The following PCDHA11 variants were observed in gnomAD, a reference collection of about 807,000 sequenced individuals.
PCDHA11 encodes protocadherin alpha 11, also known as protocadherin alpha-11.
In PCDHA11, 61 loss-of-function variants were observed where a neutral mutation model predicts 70.3. The observed-to-expected ratio is 0.87, with a 90% CI of 0.71 to 1.07. The LOEUF is 1.07. Ranked by LOEUF, PCDHA11 falls within the 50% of genes least tolerant of loss-of-function variation. The pLI is 0.00. For synonymous variants in PCDHA11, 633 were observed against 555.1 expected (o/e 1.14, Z -1.97); for missense variants, 1,324 against 1,237.5 (o/e 1.07, Z -1.05).
rs189785800 is a variant in PCDHA11 at position 141,012,340 on chromosome 5, G to A, written c.*2403G>A. ...TTATTGCTAATAAATGAAAATGGTG[G>A]TATGAAAGAAATGGTGGTCATTTCT... On this transcript the variant is annotated 3_prime_UTR_variant, in exon 4 of 4. Transcript: ENST00000398640. The A allele has an allele frequency of 3.6e-4, 55 of 153,812 alleles. No homozygotes were observed. The East Asian group carries it at 9.6e-3, about 27-fold the overall frequency. 9.5% of individuals were successfully genotyped at this position (153,812 alleles called of 1,614,324 possible).
At chr5:140,928,594 GAA>G in intron 1 of PCDHA11, 2 of 1,614,204 alleles carry the variant, frequency 1.2e-6, no homozygotes, top group Non-Finnish European at 1.7e-6. Flanking sequence ...TGTCCCAGTG[GAA>G]ATTGTGCCCC....
chr5:140,972,290 C>T (rs1331683497), intron 1 of PCDHA11, among the ~76,000 whole-genome samples: 1 of 151,820 alleles, frequency 6.6e-6, no homozygotes, highest in African/African-American at 2.4e-5. Flanking sequence ...TAGATGTGCG[C>T]CACCGTGTCT....
chr5:140,890,294 G>A (rs1554184246), intron 1 of PCDHA11, among the ~76,000 whole-genome samples: 1 of 152,132 alleles, frequency 6.6e-6, no homozygotes, highest in Non-Finnish European at 1.5e-5. Flanking sequence ...GTCAGAACCA[G>A]GAGAGGTAAT....
At chr5:141,007,395 CAAAAA>C (rs35800918) in intron 3 of PCDHA11, among the ~76,000 whole-genome samples, 1 of 94,866 alleles carries the variant, frequency 1.1e-5, no homozygotes, top group Non-Finnish European at 2.1e-5. Flanking sequence ...TACTAAAATA[CAAAAA>C]AAAAAAAAAA....
intron 1 of PCDHA11, among the ~76,000 whole-genome samples, chr5:140,893,346 C>A (rs1368723678): frequency 6.6e-6 from 1 of 152,104 alleles, no homozygotes; most frequent in Non-Finnish European, 1.5e-5. Context: ...AGTGGCAGTG[C>A]TAATTTACAT....
intron 1 of PCDHA11, among the ~76,000 whole-genome samples, chr5:140,881,674 T>C (rs782706305): frequency 5.3e-5 from 8 of 152,254 alleles, no homozygotes; most frequent in Non-Finnish European, 1.0e-4. Context: ...TCTTATGTGA[T>C]TGTTATGTTT....
chr5:141,007,133 G>A (rs1588151080), intron 3 of PCDHA11, among the ~76,000 whole-genome samples: 1 of 152,128 alleles, frequency 6.6e-6, no homozygotes, highest in South Asian at 2.1e-4. Flanking sequence ...CAGATGAGGA[G>A]ACTGACAAAG....
At chr5:140,902,729 C>T (rs1554190627) in intron 1 of PCDHA11, among the ~76,000 whole-genome samples, 1 of 152,068 alleles carries the variant, frequency 6.6e-6, no homozygotes, top group East Asian at 1.9e-4. Flanking sequence ...CCCTTCCCTC[C>T]AAGTCCCCCA....
chr5:140,910,944 C>A (rs1177154353), intron 1 of PCDHA11, among the ~76,000 whole-genome samples: 1 of 152,146 alleles, frequency 6.6e-6, no homozygotes, highest in Non-Finnish European at 1.5e-5. Flanking sequence ...TCAAGCAGTT[C>A]TTTTCGAGTG....
At chr5:140,957,373 T>G (rs906109440) in intron 1 of PCDHA11, among the ~76,000 whole-genome samples, 1 of 152,192 alleles carries the variant, frequency 6.6e-6, no homozygotes, top group Non-Finnish European at 1.5e-5. Flanking sequence ...ACTTTTATTA[T>G]AGTGTATTGT....
intron 1 of PCDHA11, chr5:140,875,864 C>A (rs781972677): frequency 3.7e-6 from 6 of 1,614,168 alleles, no homozygotes; most frequent in Admixed American, 3.3e-5. Context: ...GACAACCCGC[C>A]GGTGTTCAGA....
chr5:140,882,357 A>G lies in PCDHA11; in HGVS notation c.2391+10863A>G, dbSNP rs1010659037. On this transcript the variant is annotated intron_variant, in intron 1 of 3. Transcript: ENST00000398640. Reference sequence around the variant, plus strand: ...GCAGCCTGGGAGACGGGTAGTGGCCAGCTCCACTACTCCGTCCCCGAGGAA... The same window carrying G: ...GCAGCCTGGGAGACGGGTAGTGGCCGGCTCCACTACTCCGTCCCCGAGGAA... 22 of 1,614,084 alleles carry G rather than the reference A, an allele frequency of 1.4e-5. No individual in the cohort carries two copies. In the Admixed American group the frequency reaches 2.5e-4, roughly 18 times the overall value.
chr5:140,936,710 A>G (rs2091103513), intron 1 of PCDHA11, among the ~76,000 whole-genome samples: 1 of 152,216 alleles, frequency 6.6e-6, no homozygotes. Flanking sequence ...TTCTTGTGCC[A>G]ATACATTCTG....
In PCDHA11 at chr5:140,927,203, C is replaced by T. The variant is rs782141467; in HGVS notation, c.2392-51746C>T. ...ACCTACGACCTGGTGCTCGAGGACC[C>T]GCTGGAGCTGCACAAGATTCGGATT... On this transcript the variant is annotated intron_variant, in intron 1 of 3. Transcript: ENST00000398640. 65 of 1,614,104 alleles carry T rather than the reference C, an allele frequency of 4.0e-5. No homozygotes were observed. Among genetic ancestry groups the T allele is most frequent in the Non-Finnish European group, 5.1e-5 (60 of 1,180,040 alleles).
intron 1 of PCDHA11, chr5:140,927,930 G>A (rs782236455): frequency 1.9e-5 from 30 of 1,614,062 alleles, no homozygotes; most frequent in Admixed American, 5.0e-5. Flanking sequence ...TGACTCTTTC[G>A]AACCCAGTAC....
Position 141,010,339 on chromosome 5 carries a change from A to G in PCDHA11, c.*402A>G. 2 of 1,534,058 alleles carry G rather than the reference A, an allele frequency of 1.3e-6. No homozygotes were observed. Among genetic ancestry groups the G allele is most frequent in the East Asian group, 4.9e-5 (2 of 40,762 alleles). On this transcript the variant is annotated 3_prime_UTR_variant, in exon 4 of 4. Transcript: ENST00000398640. ...TTGAGCAGCTTGGGAGTTTGTGGCC[A>G]CTGGGTATGTGTGGCTACCGCGGGT...
chr5:141,010,006 T>C lies in PCDHA11; in HGVS notation c.*69T>C. The stretch of plus-strand genomic sequence containing the variant: ...ATGGCAAATCTCTCCCATGTAGCAA[T>C]TCCCTGCTCCTTTTTCCTATCTACA... On this transcript the variant is annotated 3_prime_UTR_variant, in exon 4 of 4. Transcript: ENST00000398640. 1 of 1,572,424 alleles carries C rather than the reference T, an allele frequency of 6.4e-7. No individual in the cohort carries two copies. Among genetic ancestry groups the C allele is most frequent in the Non-Finnish European group, 8.6e-7 (1 of 1,163,442 alleles).
chr5:140,946,384 G>A (rs2093939169), intron 1 of PCDHA11, among the ~76,000 whole-genome samples: 1 of 151,758 alleles, frequency 6.6e-6, no homozygotes, highest in Non-Finnish European at 1.5e-5. Context: ...CGGTTGGTAG[G>A]AATGTAAATT....
At chr5:140,969,982 G>T (rs1327490843) in intron 1 of PCDHA11, among the ~76,000 whole-genome samples, 1 of 152,184 alleles carries the variant, frequency 6.6e-6, no homozygotes, top group Non-Finnish European at 1.5e-5. Flanking sequence ...CAACTCTTCT[G>T]TAGAGGGCTG....
Sources: gnomAD v4.1 joint callset for allele counts (sites outside exome capture counted in the v4.1 genomes callset) on GRCh38, gnomAD v4.1.1 for gene constraint, MANE v1.5 for transcripts, NCBI Gene and HGNC (gene_info 2026-07-23, HGNC 2026-07-21) for gene names.